Variants in FILIP1L observed in about 807,000 individuals in gnomAD.
FILIP1L encodes the protein filamin A interacting protein 1 like.
A neutral mutation model predicts 96.6 loss-of-function variants in FILIP1L; 55 were observed. The observed-to-expected ratio is 0.57, with a 90% CI of 0.46 to 0.71. The LOEUF (loss-of-function observed/expected upper bound fraction) is 0.71, where lower values mean the gene tolerates loss of function less well. Ranked by LOEUF, FILIP1L falls within the 30% of genes least tolerant of loss-of-function variation. FILIP1L has a pLI of 0.00. For synonymous variants in FILIP1L, 467 were observed against 473.9 expected (o/e 0.99, Z 0.19); for missense variants, 1,304 against 1,321.2 (o/e 0.99, Z 0.20).
chr3:100,081,857 C>T (rs1044447314), intron 1 of FILIP1L, among the ~76,000 whole-genome samples: 1 of 152,282 alleles, frequency 6.6e-6, no homozygotes, highest in East Asian at 1.9e-4. Context: ...TTAGCAGCAT[C>T]CTTGGCCTCT....
At chr3:99,977,398 AGAGTATTT>A (rs1239027369) in intron 1 of FILIP1L, among the ~76,000 whole-genome samples, 2 of 152,314 alleles carry the variant, frequency 1.3e-5, no homozygotes, top group African/African-American at 2.4e-5. Flanking sequence ...AAACAAAGTA[AGAGTATTT>A]CTGTGGTTCA....
intron 4 of FILIP1L, among the ~76,000 whole-genome samples, chr3:99,869,463 T>C (rs78069697): frequency 0.012 from 1,763 of 152,288 alleles, 20 homozygotes; most frequent in African/African-American, 0.026. Flanking sequence ...AGTAGATAAT[T>C]TTCCTTTTAG....
intron 1 of FILIP1L, among the ~76,000 whole-genome samples, chr3:100,109,161 G>A (rs9829705): frequency 1.3e-5 from 2 of 151,202 alleles, no homozygotes; most frequent in African/African-American, 4.9e-5. Flanking sequence ...AATCAAGGTG[G>A]TTGGACTCTA....
chr3:100,111,561 T>C (rs1334454832), intron 1 of FILIP1L, among the ~76,000 whole-genome samples: 1 of 152,190 alleles, frequency 6.6e-6, no homozygotes, highest in East Asian at 1.9e-4. Context: ...ATGAAAAGTC[T>C]CCTCAACCAA....
intron 1 of FILIP1L, among the ~76,000 whole-genome samples, chr3:99,983,389 AATATATATATATATATATATATATAT>A (rs397990626): frequency 1.5e-3 from 62 of 40,734 alleles, no homozygotes; most frequent in Admixed American, 2.0e-3. Flanking sequence ...TAAATAAATA[AATATATATATATATATATATATATAT>A]ATATGTATGT....
chr3:99,835,175 AG>A (rs1942846322), intron 5 of FILIP1L, among the ~76,000 whole-genome samples: 1 of 152,184 alleles, frequency 6.6e-6, no homozygotes, highest in African/African-American at 2.4e-5. Flanking sequence ...GTGGGAGTTA[AG>A]GCAGCTGAAT....
rs186109821 is a variant in FILIP1L at position 99,943,755 on chromosome 3, A to G, written c.-10-12725T>C. Among the ~76,000 whole-genome samples the G allele has an allele frequency of 9.8e-5, 15 of 152,302 alleles. No homozygotes were observed. In the East Asian group the frequency reaches 1.7e-3, roughly 18 times the overall value. On this transcript the variant is annotated intron_variant, in intron 1 of 5. Transcript: ENST00000477258. ...GTCTTGGAGCTTCAGTCTATTTTCT[A>G]TAATCCAAATATAAGCAAAGCAGTA...
chr3:100,039,290 T>C (rs1258348599), intron 1 of FILIP1L, among the ~76,000 whole-genome samples: 2 of 152,174 alleles, frequency 1.3e-5, no homozygotes, highest in African/African-American at 4.8e-5. Flanking sequence ...GTGTTCTTGA[T>C]CACAGTAGTA....
chr3:99,976,471 TACTAGTAGG>T (rs1210482574), intron 1 of FILIP1L, among the ~76,000 whole-genome samples: 1 of 152,204 alleles, frequency 6.6e-6, no homozygotes, highest in Non-Finnish European at 1.5e-5. Context: ...GCCAAACTAC[TACTAGTAGG>T]ACCCATGGTG....
At chr3:99,939,206 A>G (rs1368913588) in intron 1 of FILIP1L, among the ~76,000 whole-genome samples, 1 of 152,194 alleles carries the variant, frequency 6.6e-6, no homozygotes, top group African/African-American at 2.4e-5. Context: ...CCATAGTATC[A>G]GGCACTTAGT....
At chr3:99,887,308 T>A in intron 4 of FILIP1L, among the ~76,000 whole-genome samples, 1 of 151,836 alleles carries the variant, frequency 6.6e-6, no homozygotes, top group East Asian at 1.9e-4. Flanking sequence ...ATCTGGTAGA[T>A]CTTCATCAGA....
intron 5 of FILIP1L, among the ~76,000 whole-genome samples, chr3:99,846,672 G>A (rs554481419): frequency 7.9e-5 from 12 of 152,268 alleles, no homozygotes; most frequent in African/African-American, 1.9e-4. Flanking sequence ...GTTGCAGTTC[G>A]TCACCATGGA....
At chr3:100,095,571 G>A (rs2066191345) in intron 1 of FILIP1L, among the ~76,000 whole-genome samples, 1 of 151,996 alleles carries the variant, frequency 6.6e-6, no homozygotes, top group East Asian at 1.9e-4. Context: ...TTTATGTGCA[G>A]AAGAATGAAA....
chr3:99,894,336 T>G (rs900068649), intron 4 of FILIP1L, among the ~76,000 whole-genome samples: 6 of 152,172 alleles, frequency 3.9e-5, no homozygotes, highest in Non-Finnish European at 7.3e-5. Context: ...TGTTCATCTG[T>G]TGTGGGTGCC....
At chr3:100,044,412 A>G (rs1253054270) in intron 1 of FILIP1L, among the ~76,000 whole-genome samples, 1 of 152,246 alleles carries the variant, frequency 6.6e-6, no homozygotes, top group Non-Finnish European at 1.5e-5. Context: ...TATTTTTGAA[A>G]CAATAGGTAA....
chr3:99,903,673 T>C (rs572896988), intron 4 of FILIP1L, among the ~76,000 whole-genome samples: 302 of 152,302 alleles, frequency 2.0e-3, no homozygotes, highest in African/African-American at 6.8e-3. Context: ...TAATTCATTT[T>C]TTAAGCTTGC....
rs1942610287 is a variant in FILIP1L at position 99,829,626 on chromosome 3, A to G, written c.*788T>C. Among the ~76,000 whole-genome samples the G allele has an allele frequency of 6.6e-6, 1 of 152,208 alleles. No homozygotes were observed. The highest frequency in any genetic ancestry group is 2.1e-4 in the South Asian group (1 of 4,834). ...TTGGAATTTGAGTCTCCTAACCCCA[A>G]GCTTTTGTTGAATCAACTGATTTTC... On this transcript the variant is annotated 3_prime_UTR_variant, in exon 6 of 6. Coordinates refer to ENST00000477258, the MANE Select transcript of FILIP1L (RefSeq NM_001387850.1).
At position 100,001,081 on chromosome 3, in the gene FILIP1L, T is replaced by C. The variant is rs185796876; in HGVS notation, c.-10-70051A>G. 4.7e-3 allele frequency among the ~76,000 whole-genome samples: 716 copies of C among 152,326 alleles called. 2 individuals carry two copies. Among genetic ancestry groups the C allele is most frequent in the Non-Finnish European group, 8.4e-3 (574 of 68,020 alleles). On this transcript the variant is annotated intron_variant, in intron 1 of 5. Transcript: ENST00000477258. ...CTCTTCCCAAAAATATTATTGTGCC[T>C]ACTTATTAATGCAGTTATTTTAGAG...
chr3:99,983,460 G>GTGTATATATATATATGTATATATATATA (rs1348562068), intron 1 of FILIP1L, among the ~76,000 whole-genome samples: 1 of 69,492 alleles, frequency 1.4e-5, no homozygotes, highest in Admixed American at 1.5e-4. Flanking sequence ...ATATATATAT[G>GTGTATATATATATATGTATATATATATA]TGTGTATATA....
Sources: gnomAD v4.1 joint callset for allele counts (sites outside exome capture counted in the v4.1 genomes callset) on GRCh38, gnomAD v4.1.1 for gene constraint, MANE v1.5 for transcripts, NCBI Gene and HGNC (gene_info 2026-07-23, HGNC 2026-07-21) for gene names.